Variants in MAN1A1 observed in about 807,000 individuals in gnomAD.
MAN1A1 encodes mannosyl-oligosaccharide 1,2-alpha-mannosidase IA.
A neutral mutation model predicts 70.8 loss-of-function variants in MAN1A1; 29 were observed. That is an observed-to-expected ratio of 0.41 (90% CI 0.31 to 0.56). The LOEUF is 0.56. Among genes scored for constraint, MAN1A1 ranks in the 20% least tolerant of loss-of-function variants. The pLI, the probability that MAN1A1 is intolerant of heterozygous loss-of-function variation, is 0.29. For missense variants in MAN1A1, 747 were observed against 841.3 expected (o/e 0.89, Z 1.39); for synonymous variants, 349 against 330.1 (o/e 1.06, Z -0.62).
At position 119,315,423 on chromosome 6, in the gene MAN1A1, C is replaced by A. The variant is rs3798638; in HGVS notation, c.604-8431G>T. ...TCTAGTAATCACTACTTGTAATGGA[C>A]AGATTGTTCTGTTTCTAAGAAGTAT... On this transcript the variant is annotated intron_variant, in intron 2 of 12. Transcript: ENST00000368468. Among the ~76,000 whole-genome samples the A allele has an allele frequency of 5.8e-3, 890 of 152,244 alleles. 29 individuals carry two copies. The East Asian group carries it at 0.09, about 15-fold the overall frequency.
At chr6:119,347,594 G>A (rs534856691) in intron 2 of MAN1A1, among the ~76,000 whole-genome samples, 1 of 152,248 alleles carries the variant, frequency 6.6e-6, no homozygotes, top group Non-Finnish European at 1.5e-5. Flanking sequence ...TTCGGACCTC[G>A]GGCTTCAAGT....
intron 2 of MAN1A1, among the ~76,000 whole-genome samples, chr6:119,336,627 A>G (rs1055364718): frequency 4.6e-5 from 7 of 152,240 alleles, no homozygotes; most frequent in African/African-American, 7.2e-5. Flanking sequence ...GAAATTGGGA[A>G]ATAGAAAACC....
At chr6:119,350,345 G>A (rs1278710889), upstream of MAN1A1, among the ~76,000 whole-genome samples, 3 of 152,320 alleles carry the variant, frequency 2.0e-5, no homozygotes, top group Admixed American at 2.0e-4. Context: ...CCTCGGTTAG[G>A]GGAGCCGTGA....
intron 2 of MAN1A1, among the ~76,000 whole-genome samples, chr6:119,314,890 G>C (rs1331311992): frequency 6.6e-6 from 1 of 152,062 alleles, no homozygotes; most frequent in African/African-American, 2.4e-5. Context: ...CTCCTGCCCT[G>C]TATGCTACTG....
chr6:119,233,606 T>C (rs1411199189), intron 6 of MAN1A1, among the ~76,000 whole-genome samples: 2 of 152,172 alleles, frequency 1.3e-5, no homozygotes, highest in Admixed American at 1.3e-4. Context: ...TTAATTAGAG[T>C]GCAATAAGCA....
chr6:119,287,819 C>A (rs1776419118), intron 5 of MAN1A1, among the ~76,000 whole-genome samples: 1 of 151,956 alleles, frequency 6.6e-6, no homozygotes, highest in Admixed American at 6.6e-5. Flanking sequence ...TCCCTTCCAG[C>A]TTATAATAGA....
intron 4 of MAN1A1, among the ~76,000 whole-genome samples, chr6:119,297,077 A>G (rs1313798136): frequency 2.0e-5 from 3 of 152,262 alleles, no homozygotes; most frequent in African/African-American, 7.2e-5. Flanking sequence ...TAGGTAACCA[A>G]TAATGTTTTA....
intron 4 of MAN1A1, among the ~76,000 whole-genome samples, chr6:119,292,688 G>T (rs1388200217): frequency 6.6e-6 from 1 of 151,982 alleles, no homozygotes; most frequent in African/African-American, 2.4e-5. Flanking sequence ...TTAGGAGACA[G>T]AATTACTAAG....
At chr6:119,211,314 C>T (rs1434649800) in intron 6 of MAN1A1, among the ~76,000 whole-genome samples, 1 of 152,180 alleles carries the variant, frequency 6.6e-6, no homozygotes, top group Non-Finnish European at 1.5e-5. Context: ...TAGTAACTCT[C>T]CAAATTCTGT....
upstream of MAN1A1, chr6:119,349,858 C>T (rs1773857829): frequency 1.5e-6 from 1 of 658,286 alleles, no homozygotes; most frequent in African/African-American, 2.0e-5. Context: ...GCCCAGGGTC[C>T]CGCGGGGGCG....
At chr6:119,322,437 G>A (rs917433902) in intron 2 of MAN1A1, among the ~76,000 whole-genome samples, 3 of 152,024 alleles carry the variant, frequency 2.0e-5, no homozygotes, top group African/African-American at 4.8e-5. Flanking sequence ...CAGAACTAAT[G>A]GTAACCACCT....
At chr6:119,301,367 C>T (rs1298441568) in intron 4 of MAN1A1, among the ~76,000 whole-genome samples, 2 of 152,164 alleles carry the variant, frequency 1.3e-5, no homozygotes, top group African/African-American at 4.8e-5. Context: ...GAAGTATTCA[C>T]TATCCTTAAT....
intron 9 of MAN1A1, among the ~76,000 whole-genome samples, chr6:119,190,469 G>A (rs570906665): frequency 5.3e-5 from 8 of 152,238 alleles, no homozygotes; most frequent in Middle Eastern, 6.8e-3. Context: ...CTAAATCTCA[G>A]CATCCTAATC....
At chr6:119,238,210 G>A (rs1220398490) in intron 6 of MAN1A1, among the ~76,000 whole-genome samples, 1 of 152,162 alleles carries the variant, frequency 6.6e-6, no homozygotes, top group Non-Finnish European at 1.5e-5. Context: ...ATAGTTCTCA[G>A]TGAAGAGATA....
chr6:119,194,633 T>A (rs577349370), intron 8 of MAN1A1, among the ~76,000 whole-genome samples: 22 of 152,140 alleles, frequency 1.4e-4, no homozygotes, highest in Non-Finnish European at 2.8e-4. Flanking sequence ...CTATTATTAT[T>A]TGATAAATTT....
chr6:119,315,021 T>G (rs1346453187), intron 2 of MAN1A1, among the ~76,000 whole-genome samples: 1 of 152,214 alleles, frequency 6.6e-6, no homozygotes, highest in Non-Finnish European at 1.5e-5. Flanking sequence ...TGAAGTTTAC[T>G]ACCACCACGG....
At chr6:119,269,370 C>T in intron 5 of MAN1A1, 1 of 212,434 alleles carries the variant, frequency 4.7e-6, no homozygotes, top group Non-Finnish European at 9.7e-6. Flanking sequence ...TTGGGAGCAG[C>T]AGGAAGCATC....
At chr6:119,249,976 T>C (rs143135932) in intron 5 of MAN1A1, among the ~76,000 whole-genome samples, 48 of 152,334 alleles carry the variant, frequency 3.2e-4, no homozygotes, top group African/African-American at 1.0e-3. Context: ...TTGTAGTATA[T>C]AGAAAATGCT....
chr6:119,349,389 C>G, intron 1 of MAN1A1, 102 bp from the exon 2 acceptor site: 1 of 977,854 alleles, frequency 1.0e-6, no homozygotes, highest in Non-Finnish European at 1.2e-6. Context: ...GACCGCTCCC[C>G]TTAAGCAGAG....
Sources: gnomAD v4.1 joint callset for allele counts (sites outside exome capture counted in the v4.1 genomes callset) on GRCh38, gnomAD v4.1.1 for gene constraint, MANE v1.5 for transcripts, NCBI Gene and HGNC (gene_info 2026-07-23, HGNC 2026-07-21) for gene names.